Variants in PID1 observed in about 807,000 individuals in gnomAD.
PID1 encodes the protein PTB-containing, cubilin and LRP1-interacting protein.
Under a neutral mutation model 19.1 loss-of-function variants are expected in PID1, and 10 were observed. That is an observed-to-expected ratio of 0.52 (90% CI 0.32 to 0.89). The LOEUF (loss-of-function observed/expected upper bound fraction) is 0.89, where lower values mean the gene tolerates loss of function less well. Ranked by LOEUF, PID1 falls within the 40% of genes least tolerant of loss-of-function variation. The pLI, the probability that PID1 is intolerant of heterozygous loss-of-function variation, is 0.03. For synonymous variants in PID1, 130 were observed against 116.0 expected, an observed-to-expected ratio of 1.12 and a Z score of -0.78; for missense variants, 248 against 285.3, an observed-to-expected ratio of 0.87 and a Z score of 0.94.
At chr2:229,084,760 A>G (rs1694733101) in intron 2 of PID1, among the ~76,000 whole-genome samples, 1 of 152,188 alleles carries the variant, frequency 6.6e-6, no homozygotes, top group South Asian at 2.1e-4. Context: ...CTGTGAAGCA[A>G]GCTCTAACTT....
At chr2:229,263,329 C>A (rs1435052619) in intron 1 of PID1, among the ~76,000 whole-genome samples, 1 of 152,154 alleles carries the variant, frequency 6.6e-6, no homozygotes, top group Non-Finnish European at 1.5e-5. Context: ...TGCAGAATCA[C>A]AATATGGCTG....
chr2:229,155,588 C>CAA, intron 2 of PID1, among the ~76,000 whole-genome samples: 1 of 145,092 alleles, frequency 6.9e-6, no homozygotes, highest in South Asian at 2.2e-4. Context: ...AAAACAAAAA[C>CAA]AAAAAAACCC....
At chr2:229,137,499 C>T (rs1438907304) in intron 2 of PID1, among the ~76,000 whole-genome samples, 1 of 152,176 alleles carries the variant, frequency 6.6e-6, no homozygotes, top group Admixed American at 6.5e-5. Flanking sequence ...ATCAAGGACA[C>T]TAAATTCAAT....
intron 1 of PID1, among the ~76,000 whole-genome samples, chr2:229,239,913 C>T (rs1451573985): frequency 1.3e-5 from 2 of 152,020 alleles, no homozygotes; most frequent in East Asian, 3.9e-4. Context: ...CCAATTCAAC[C>T]TATATTCCTG....
At chr2:229,191,190 A>C (rs1691253253) in intron 1 of PID1, among the ~76,000 whole-genome samples, 1 of 152,118 alleles carries the variant, frequency 6.6e-6, no homozygotes, top group African/African-American at 2.4e-5. Flanking sequence ...CCATTAGATG[A>C]CAGCTGAATC....
chr2:229,234,555 C>T (rs1692283971), intron 1 of PID1, among the ~76,000 whole-genome samples: 1 of 152,154 alleles, frequency 6.6e-6, no homozygotes, highest in African/African-American at 2.4e-5. Flanking sequence ...CCAGTAAGAT[C>T]CATTTGGGGC....
intron 2 of PID1, among the ~76,000 whole-genome samples, chr2:229,139,204 T>C (rs1193424930): frequency 1.3e-5 from 2 of 152,114 alleles, no homozygotes; most frequent in Non-Finnish European, 2.9e-5. Flanking sequence ...GGAATACATG[T>C]ATTTTTAGTT....
chr2:229,222,151 A>G (rs1184706507), intron 1 of PID1, among the ~76,000 whole-genome samples: 1 of 152,162 alleles, frequency 6.6e-6, no homozygotes, highest in East Asian at 1.9e-4. Context: ...GATGGCATCA[A>G]ACAATTTTCC....
intron 1 of PID1, among the ~76,000 whole-genome samples, chr2:229,162,495 T>G (rs2106201620): frequency 6.6e-6 from 1 of 152,348 alleles, no homozygotes; most frequent in East Asian, 1.9e-4. Flanking sequence ...CCTTGCATGT[T>G]GAAGACAGAC....
Position 229,181,011 on chromosome 2 carries a change from G to A in PID1, c.31-25047C>T, listed in dbSNP as rs148153798. Among the ~76,000 whole-genome samples, 678 of 152,316 alleles carry A rather than the reference G, an allele frequency of 4.5e-3. 5 individuals carry two copies. The highest frequency in any genetic ancestry group is 0.016 in the African/African-American group (654 of 41,582). ...GGCACCCTGCCCTTCACAAAGAAAAGAGAACTCTCCCCGCGGCTCATTTTT... is the reference window on the plus strand; with the variant it reads ...GGCACCCTGCCCTTCACAAAGAAAAAAGAACTCTCCCCGCGGCTCATTTTT... On this transcript the variant is annotated intron_variant, in intron 1 of 2. Transcript: ENST00000392055.
At chr2:229,235,937 A>T (rs1054768022) in intron 1 of PID1, among the ~76,000 whole-genome samples, 3 of 152,222 alleles carry the variant, frequency 2.0e-5, no homozygotes, top group African/African-American at 7.2e-5. Context: ...CTTGTGGCAA[A>T]GTTGGCAAAA....
chr2:229,245,965 G>A (rs966427406), intron 1 of PID1, among the ~76,000 whole-genome samples: 7 of 152,134 alleles, frequency 4.6e-5, no homozygotes, highest in African/African-American at 9.6e-5. Context: ...GCTGTTTTTC[G>A]TGCTCTGTTT....
intron 1 of PID1, among the ~76,000 whole-genome samples, chr2:229,156,336 G>C (rs1690373005): frequency 1.3e-5 from 2 of 152,164 alleles, no homozygotes; most frequent in Admixed American, 1.3e-4. Flanking sequence ...GGGTTATTTT[G>C]GGAAAAGTCT....
chr2:229,227,929 T>C (rs1692116134), intron 1 of PID1: 1 of 455,526 alleles, frequency 2.2e-6, no homozygotes, highest in African/African-American at 2.0e-5. Flanking sequence ...GTGCATCAGT[T>C]GTATGCAAAT....
intron 1 of PID1, among the ~76,000 whole-genome samples, chr2:229,174,836 C>T (rs959273264): frequency 2.0e-5 from 3 of 152,122 alleles, no homozygotes; most frequent in Non-Finnish European, 4.4e-5. Flanking sequence ...TCCAATTTGG[C>T]CTCTTGTAGA....
intron 1 of PID1, among the ~76,000 whole-genome samples, chr2:229,256,325 G>A (rs1329636857): frequency 1.3e-5 from 2 of 152,040 alleles, no homozygotes; most frequent in African/African-American, 2.4e-5. Context: ...TCTAATTTTC[G>A]AACCCTGGAA....
At chr2:229,042,118 T>A (rs7573664) in intron 2 of PID1, among the ~76,000 whole-genome samples, 3,393 of 152,260 alleles carry the variant, frequency 0.022, 135 homozygotes, top group African/African-American at 0.078. Flanking sequence ...TACGGAGACA[T>A]CATGTCTACA....
intron 2 of PID1, among the ~76,000 whole-genome samples, chr2:229,076,321 C>A (rs1574608870): frequency 6.6e-6 from 1 of 152,198 alleles, no homozygotes; most frequent in East Asian, 1.9e-4. Context: ...TGTCAAATCC[C>A]AAGACAATTT....
At chr2:229,229,731 T>C (rs1221538058) in intron 1 of PID1, among the ~76,000 whole-genome samples, 8 of 152,358 alleles carry the variant, frequency 5.3e-5, no homozygotes. Flanking sequence ...GCAACTCAAA[T>C]GTCAGAAATC....
Sources: gnomAD v4.1 joint callset for allele counts (sites outside exome capture counted in the v4.1 genomes callset) on GRCh38, gnomAD v4.1.1 for gene constraint, MANE v1.5 for transcripts, NCBI Gene and HGNC (gene_info 2026-07-23, HGNC 2026-07-21) for gene names.